The following UNC13C variants were observed in gnomAD, a reference collection of about 807,000 sequenced individuals.
UNC13C encodes unc-13 homolog C, also known as protein unc-13 homolog C.
In UNC13C, 174 loss-of-function variants were observed where a neutral mutation model predicts 245.4. That is an observed-to-expected ratio of 0.71 (90% confidence interval 0.63 to 0.80). The LOEUF (loss-of-function observed/expected upper bound fraction) is 0.80, where lower values mean the gene tolerates loss of function less well. Among genes scored for constraint, UNC13C ranks in the 30% least tolerant of loss-of-function variants. The pLI, the probability that UNC13C is intolerant of heterozygous loss-of-function variation, is 0.00. For missense variants in UNC13C, 2,829 were observed against 2,602.9 expected (o/e 1.09, Z -1.89); for synonymous variants, 992 against 895.1 (o/e 1.11, Z -1.93).
At chr15:54,417,310 G>A (rs1393657307) in intron 19 of UNC13C, among the ~76,000 whole-genome samples, 2 of 152,192 alleles carry the variant, frequency 1.3e-5, no homozygotes, top group East Asian at 1.9e-4. Flanking sequence ...TTTTGTGACC[G>A]TCTTTTGCTG....
chr15:53,963,541 A>C, the UNC13C span, among the ~76,000 whole-genome samples: 35 of 152,150 alleles, frequency 2.3e-4, no homozygotes, highest in African/African-American at 7.2e-4. Context: ...CGTGTAAAGG[A>C]TTTAGCTCAG....
chr15:54,164,419 T>C (rs1189050557), intron 4 of UNC13C, among the ~76,000 whole-genome samples: 2 of 152,308 alleles, frequency 1.3e-5, no homozygotes, highest in East Asian at 3.9e-4. Context: ...GTAAACCAAG[T>C]TAAAAACACT....
chr15:54,097,453 G>A (rs914466719), intron 2 of UNC13C, among the ~76,000 whole-genome samples: 2 of 152,240 alleles, frequency 1.3e-5, no homozygotes, highest in Admixed American at 6.5e-5. Flanking sequence ...AGATTATGCG[G>A]TACTGATGAA....
intron 4 of UNC13C, among the ~76,000 whole-genome samples, chr15:54,179,157 T>TA (rs2033714546): frequency 6.6e-6 from 1 of 152,102 alleles, no homozygotes; most frequent in Admixed American, 6.6e-5. Flanking sequence ...CTACCCATCT[T>TA]ACAGAATTCA....
chr15:53,885,659 G>C, the UNC13C span, among the ~76,000 whole-genome samples: 1 of 152,166 alleles, frequency 6.6e-6, no homozygotes, highest in East Asian at 1.9e-4. Flanking sequence ...GCTTTTCTCT[G>C]GTCAACCTGT....
At chr15:54,280,512 A>G (rs1268337830) in intron 10 of UNC13C, among the ~76,000 whole-genome samples, 2 of 151,434 alleles carry the variant, frequency 1.3e-5, no homozygotes, top group African/African-American at 4.8e-5. Flanking sequence ...TACAGCTATC[A>G]CAATAAGAAT....
At chr15:54,203,576 T>C (rs529781212) in intron 4 of UNC13C, among the ~76,000 whole-genome samples, 196 of 147,860 alleles carry the variant, frequency 1.3e-3, no homozygotes, top group African/African-American at 4.7e-3. Flanking sequence ...TAGTATTTCA[T>C]TGTGTGTATT....
At chr15:54,259,160 T>C (rs1457126898) in intron 8 of UNC13C, among the ~76,000 whole-genome samples, 4 of 152,222 alleles carry the variant, frequency 2.6e-5, no homozygotes, top group Non-Finnish European at 4.4e-5. Flanking sequence ...AAAGGCCTCA[T>C]CTTTTAACAT....
chr15:54,201,191 A>G (rs891816815), intron 4 of UNC13C, among the ~76,000 whole-genome samples: 3 of 152,066 alleles, frequency 2.0e-5, no homozygotes, highest in Non-Finnish European at 4.4e-5. Context: ...CAACAACAAA[A>G]ATGTCCAGAC....
At chr15:53,970,084 C>G in the UNC13C span, among the ~76,000 whole-genome samples, 1 of 150,120 alleles carries the variant, frequency 6.7e-6, no homozygotes, top group Admixed American at 6.6e-5. Flanking sequence ...GAGTTTCACT[C>G]TTGTTGCCCA....
intron 13 of UNC13C, among the ~76,000 whole-genome samples, chr15:54,309,006 T>A (rs1240391342): frequency 6.6e-6 from 1 of 151,926 alleles, no homozygotes; most frequent in Non-Finnish European, 1.5e-5. Flanking sequence ...ATTTATTTTC[T>A]TTGGCTATAA....
intron 4 of UNC13C, among the ~76,000 whole-genome samples, chr15:54,229,895 G>T (rs1349645599): frequency 2.9e-4 from 44 of 152,002 alleles, no homozygotes; most frequent in Admixed American, 2.9e-3. Context: ...TCTATGGATG[G>T]CTTATTTCAC....
At chr15:54,533,092 T>C (rs774120722) in intron 26 of UNC13C, 26 bp downstream of exon 26, 1 of 1,564,158 alleles carries the variant, frequency 6.4e-7, no homozygotes, top group Non-Finnish European at 8.7e-7. Context: ...CAGTTTTCTC[T>C]TTACTTATTG....
intron 17 of UNC13C, among the ~76,000 whole-genome samples, chr15:54,381,074 A>G (rs1477832464): frequency 6.6e-6 from 1 of 152,066 alleles, no homozygotes; most frequent in Non-Finnish European, 1.5e-5. Flanking sequence ...GTTTTCTTTT[A>G]GTGATTTAAT....
chr15:54,618,706 C>T (rs1900607435), intron 30 of UNC13C, among the ~76,000 whole-genome samples: 4 of 152,086 alleles, frequency 2.6e-5, no homozygotes, highest in Non-Finnish European at 1.5e-5. Context: ...CAATATAACA[C>T]ACATGTAACT....
intron 18 of UNC13C, among the ~76,000 whole-genome samples, chr15:54,395,460 G>T (rs145246099): frequency 4.3e-4 from 65 of 151,970 alleles, no homozygotes; most frequent in Middle Eastern, 3.4e-3. Flanking sequence ...AATCTGTGGA[G>T]TCAGAAAACC....
chr15:54,346,867 A>G (rs2038870993), intron 17 of UNC13C, among the ~76,000 whole-genome samples: 1 of 152,228 alleles, frequency 6.6e-6, no homozygotes, highest in Admixed American at 6.5e-5. Context: ...AATCAGCCCT[A>G]TTATATGCCA....
At chr15:54,555,383 G>A (rs1208647046) in intron 28 of UNC13C, 49 bp from the exon 29 acceptor site, 14 of 1,492,920 alleles carry the variant, frequency 9.4e-6, no homozygotes, top group Non-Finnish European at 1.3e-5. Context: ...AGTAGTTGTT[G>A]AATACATGAA....
At chr15:54,158,523 GT>G (rs1458208884) in intron 4 of UNC13C, among the ~76,000 whole-genome samples, 1 of 152,076 alleles carries the variant, frequency 6.6e-6, no homozygotes, top group African/African-American at 2.4e-5. Context: ...ATTTCACTAT[GT>G]TAGCTAGGAT....
Sources: gnomAD v4.1 joint callset for allele counts (sites outside exome capture counted in the v4.1 genomes callset) on GRCh38, gnomAD v4.1.1 for gene constraint, MANE v1.5 for transcripts, NCBI Gene and HGNC (gene_info 2026-07-23, HGNC 2026-07-21) for gene names.